The following MAGI1 variants were observed in gnomAD, a reference collection of about 807,000 sequenced individuals.
MAGI1 encodes membrane-associated guanylate kinase, WW and PDZ domain-containing protein 1.
A neutral mutation model predicts 139.9 loss-of-function variants in MAGI1; 58 were observed. That is an observed-to-expected ratio of 0.41 (90% CI 0.34 to 0.52). The LOEUF (loss-of-function observed/expected upper bound fraction) is 0.52, where lower values mean the gene tolerates loss of function less well. Ranked by LOEUF, MAGI1 falls within the 20% of genes least tolerant of loss-of-function variation. The pLI is 0.12. For synonymous variants in MAGI1, 812 were observed against 737.9 expected, an observed-to-expected ratio of 1.10 and a Z score of -1.63; for missense variants, 1,874 against 1,901.6, an observed-to-expected ratio of 0.99 and a Z score of 0.27.
chr3:65,820,405 G>A (rs1030949782), intron 1 of MAGI1, among the ~76,000 whole-genome samples: 12 of 152,096 alleles, frequency 7.9e-5, no homozygotes, highest in African/African-American at 2.9e-4. Flanking sequence ...AGTCACATGG[G>A]CAGTGTGATC....
intron 14 of MAGI1, 82 bp downstream of exon 14, chr3:65,391,060 C>T: frequency 8.3e-7 from 1 of 1,207,754 alleles, no homozygotes; most frequent in Non-Finnish European, 1.2e-6. Context: ...CACTGCAACT[C>T]ATCTATTTTC....
chr3:65,475,449 G>A (rs1326456276), intron 4 of MAGI1, among the ~76,000 whole-genome samples: 1 of 152,200 alleles, frequency 6.6e-6, no homozygotes, highest in African/African-American at 2.4e-5. Context: ...CCTGACCTCA[G>A]GTGATCTGCC....
intron 6 of MAGI1, among the ~76,000 whole-genome samples, chr3:65,448,864 A>T (rs1948840711): frequency 6.6e-6 from 1 of 151,996 alleles, no homozygotes; most frequent in South Asian, 2.1e-4. Context: ...TATTGTTGAG[A>T]AGAAAACATG....
chr3:65,947,176 G>A (rs2063581565), intron 1 of MAGI1, among the ~76,000 whole-genome samples: 1 of 152,258 alleles, frequency 6.6e-6, no homozygotes, highest in Admixed American at 6.5e-5. Context: ...TTCAAGGAAA[G>A]AGGATCCTAA....
At chr3:65,858,909 G>A (rs183733938) in intron 1 of MAGI1, among the ~76,000 whole-genome samples, 9 of 152,208 alleles carry the variant, frequency 5.9e-5, no homozygotes, top group South Asian at 4.2e-4. Flanking sequence ...CTAACACCAC[G>A]TTTCTCTGTA....
At chr3:65,415,671 T>C (rs1194857379) in intron 12 of MAGI1, among the ~76,000 whole-genome samples, 1 of 152,200 alleles carries the variant, frequency 6.6e-6, no homozygotes, top group Non-Finnish European at 1.5e-5. Flanking sequence ...TGGATTTCAT[T>C]TGTACCTAAA....
rs534607749 is a variant in MAGI1, at chr3:65,775,223, AT to A, written c.314-153136del. On this transcript the variant is annotated intron_variant, in intron 1 of 22. Coordinates refer to ENST00000402939, the MANE Select transcript of MAGI1 (RefSeq NM_001033057.2). Reference sequence around the variant, plus strand: ...CACTTTCTGAGGCCAAGACAGATAGATTCCTTGAGTCCAGGAGTTTCAGACC... The same window carrying A: ...CACTTTCTGAGGCCAAGACAGATAGATCCTTGAGTCCAGGAGTTTCAGACC... 1.1e-4 allele frequency among the ~76,000 whole-genome samples: 16 copies of A among 152,170 alleles called. No homozygotes were observed. In the East Asian group the frequency reaches 1.7e-3, roughly 17 times the overall value.
At chr3:65,686,452 C>T (rs539777454) in intron 1 of MAGI1, among the ~76,000 whole-genome samples, 7 of 152,190 alleles carry the variant, frequency 4.6e-5, no homozygotes, top group Non-Finnish European at 8.8e-5. Context: ...CCACCAAGCC[C>T]AGCTAATTTT....
At chr3:65,749,936 A>G (rs1057210907) in intron 1 of MAGI1, among the ~76,000 whole-genome samples, 2 of 152,078 alleles carry the variant, frequency 1.3e-5, no homozygotes, top group African/African-American at 4.8e-5. Context: ...CTACTCCATA[A>G]TGCAGGGGGA....
At chr3:65,553,146 GTT>G (rs548937994) in intron 2 of MAGI1, among the ~76,000 whole-genome samples, 3 of 145,348 alleles carry the variant, frequency 2.1e-5, no homozygotes, top group African/African-American at 5.0e-5. Flanking sequence ...TGAGTTGTTG[GTT>G]TTTTTTTTTG....
rs768378870 is a variant in MAGI1 at position 65,971,097 on chromosome 3, GGAGGCT to G, written c.313+66893_313+66898del. On this transcript the variant is annotated intron_variant, in intron 1 of 22. Coordinates refer to ENST00000402939, the MANE Select transcript of MAGI1 (RefSeq NM_001033057.2). ...GGGCGCCTGTAGTCCCAGCTACTCG[GGAGGCT>G]GAGGCAGGAGAATCACTTGAACCCA... Among the ~76,000 whole-genome samples the G allele has an allele frequency of 7.9e-5, 12 of 152,190 alleles. No homozygotes were observed. The South Asian group carries it at 2.5e-3, about 32-fold the overall frequency.
At chr3:65,466,103 G>C (rs1483720926) in intron 5 of MAGI1, among the ~76,000 whole-genome samples, 2 of 152,070 alleles carry the variant, frequency 1.3e-5, no homozygotes, top group Non-Finnish European at 2.9e-5. Flanking sequence ...GCTTTGCTGA[G>C]ACTTTCTATT....
At chr3:65,500,533 C>T (rs1386277050) in intron 2 of MAGI1, among the ~76,000 whole-genome samples, 4 of 152,178 alleles carry the variant, frequency 2.6e-5, no homozygotes, top group Admixed American at 2.6e-4. Context: ...CAAACCATGA[C>T]TACAAAAAGG....
chr3:65,660,795 G>A (rs1292470127), intron 1 of MAGI1, among the ~76,000 whole-genome samples: 1 of 152,166 alleles, frequency 6.6e-6, no homozygotes, highest in African/African-American at 2.4e-5. Context: ...CTCTATGGGA[G>A]GCCACCATGT....
intron 1 of MAGI1, among the ~76,000 whole-genome samples, chr3:65,788,585 T>C (rs893992861): frequency 2.6e-5 from 4 of 152,234 alleles, no homozygotes; most frequent in Non-Finnish European, 4.4e-5. Context: ...GTTCAAAGTT[T>C]GGCTTGCACT....
At chr3:65,579,075 A>G (rs999488068) in intron 2 of MAGI1, among the ~76,000 whole-genome samples, 2 of 152,126 alleles carry the variant, frequency 1.3e-5, no homozygotes, top group Non-Finnish European at 2.9e-5. Context: ...CCCAAAGCAG[A>G]AAGAAGATTG....
intron 1 of MAGI1, among the ~76,000 whole-genome samples, chr3:65,997,525 G>A (rs1432996459): frequency 5.3e-5 from 8 of 152,042 alleles, no homozygotes; most frequent in African/African-American, 1.2e-4. Flanking sequence ...GCGTGGTAGC[G>A]GGTGCCTGTA....
chr3:66,027,041 G>A (rs1047330377), intron 1 of MAGI1, among the ~76,000 whole-genome samples: 36 of 151,622 alleles, frequency 2.4e-4, no homozygotes, highest in African/African-American at 3.4e-4. Flanking sequence ...AGGCCGAGGC[G>A]GGCGGATCAC....
chr3:65,751,233 T>A (rs35355653), intron 1 of MAGI1, among the ~76,000 whole-genome samples: 1 of 152,110 alleles, frequency 6.6e-6, no homozygotes, highest in African/African-American at 2.4e-5. Flanking sequence ...CTCAGAGACC[T>A]GAAATAAATG....
Sources: gnomAD v4.1 joint callset for allele counts (sites outside exome capture counted in the v4.1 genomes callset) on GRCh38, gnomAD v4.1.1 for gene constraint, MANE v1.5 for transcripts, NCBI Gene and HGNC (gene_info 2026-07-23, HGNC 2026-07-21) for gene names.